CFDP1: variants seen among roughly 807,000 people sequenced by gnomAD.
The protein encoded by CFDP1 is heterochromatin-stabilizing protein CFDP1.
A neutral mutation model predicts 40.1 loss-of-function variants in CFDP1; 31 were observed. That is an observed-to-expected ratio of 0.77 (90% CI 0.58 to 1.04). The LOEUF is 1.04. Ranked by LOEUF, CFDP1 falls within the 50% of genes least tolerant of loss-of-function variation. The pLI, the probability that CFDP1 is intolerant of heterozygous loss-of-function variation, is 0.00. For missense variants in CFDP1, 423 were observed against 343.4 expected, an observed-to-expected ratio of 1.23 and a Z score of -1.83; for synonymous variants, 167 against 120.0, an observed-to-expected ratio of 1.39 and a Z score of -2.56.
At chr16:75,396,326 T>A (rs1230789863) in intron 4 of CFDP1, among the ~76,000 whole-genome samples, 4 of 103,512 alleles carry the variant, frequency 3.9e-5, no homozygotes, top group African/African-American at 1.2e-4. Context: ...GACCACGAAG[T>A]CATGAGTTTG....
At chr16:75,420,564 C>T (rs1045060421) in intron 1 of CFDP1, among the ~76,000 whole-genome samples, 3 of 152,128 alleles carry the variant, frequency 2.0e-5, no homozygotes, top group Non-Finnish European at 2.9e-5. Flanking sequence ...AAGGATGGAA[C>T]AACTGGATAA....
intron 4 of CFDP1, among the ~76,000 whole-genome samples, chr16:75,401,383 G>T (rs1045049643): frequency 7.1e-6 from 1 of 140,404 alleles, no homozygotes; most frequent in Non-Finnish European, 1.5e-5. Context: ...AGCCAAGATT[G>T]CACCACTGCA....
At chr16:75,325,436 G>A (rs1482952381) in intron 5 of CFDP1, among the ~76,000 whole-genome samples, 1 of 152,188 alleles carries the variant, frequency 6.6e-6, no homozygotes, top group Non-Finnish European at 1.5e-5. Flanking sequence ...GGCTTATGCT[G>A]ATCATCCTAT....
At chr16:75,395,466 C>A (rs2078988631) in intron 4 of CFDP1, among the ~76,000 whole-genome samples, 1 of 152,056 alleles carries the variant, frequency 6.6e-6, no homozygotes, top group Non-Finnish European at 1.5e-5. Flanking sequence ...CGAAACTATC[C>A]TGGCCAACAT....
In CFDP1 at chr16:75,395,947, T is replaced by C. The variant is rs981340297; in HGVS notation, c.531-738A>G. ...TAAAGAGAGAAGGAGAAATGTTTAA[T>C]CCCTGCCTAGGCTTTCCAGGTTAAC... On this transcript the variant is annotated intron_variant, in intron 4 of 6. Transcript: ENST00000283882. Among the ~76,000 whole-genome samples, 2 of 137,876 alleles carry C rather than the reference T, an allele frequency of 1.5e-5. 1 individual carries two copies. The highest frequency in any genetic ancestry group is 5.1e-5 in the African/African-American group (2 of 39,212). 90.5% of individuals were successfully genotyped at this position (137,876 alleles called of 152,430 possible).
At chr16:75,404,460 A>C (rs1399653073) in intron 4 of CFDP1, among the ~76,000 whole-genome samples, 1 of 151,890 alleles carries the variant, frequency 6.6e-6, no homozygotes, top group Admixed American at 6.6e-5. Flanking sequence ...TGACCCCATG[A>C]TCCGCCTGCC....
At chr16:75,330,589 C>T (rs116060123) in intron 5 of CFDP1, among the ~76,000 whole-genome samples, 1,884 of 152,108 alleles carry the variant, frequency 0.012, 32 homozygotes, top group African/African-American at 0.043. Context: ...AACTCCATCT[C>T]GAAACAAAAA....
At chr16:75,429,124 A>G (rs544657443) in intron 1 of CFDP1, among the ~76,000 whole-genome samples, 1 of 152,232 alleles carries the variant, frequency 6.6e-6, no homozygotes, top group African/African-American at 2.4e-5. Context: ...CTCGAAAAAA[A>G]AGAAAAAAGA....
At chr16:75,355,846 G>A (rs896214941) in intron 5 of CFDP1, among the ~76,000 whole-genome samples, 2 of 152,154 alleles carry the variant, frequency 1.3e-5, no homozygotes, top group Non-Finnish European at 2.9e-5. Context: ...CCAGCTATGC[G>A]GAACTGAGAG....
chr16:75,324,758 A>AAC (rs1214747835), intron 5 of CFDP1: 2 of 151,670 alleles, frequency 1.3e-5, no homozygotes, highest in Non-Finnish European at 2.9e-5. Flanking sequence ...AAAAAAAAAA[A>AAC]AAATTGCTGC....
At chr16:75,328,453 C>T (rs1278184884) in intron 5 of CFDP1, among the ~76,000 whole-genome samples, 3 of 148,792 alleles carry the variant, frequency 2.0e-5, no homozygotes, top group East Asian at 2.1e-4. Flanking sequence ...AAAAAAATAG[C>T]TGGGTGTGGT....
chr16:75,365,866 G>C (rs2078710107), intron 5 of CFDP1, among the ~76,000 whole-genome samples: 1 of 152,204 alleles, frequency 6.6e-6, no homozygotes, highest in East Asian at 1.9e-4. Flanking sequence ...CCATCTGCTA[G>C]ATCAAAAAGG....
At chr16:75,329,236 C>A (rs1312859626) in intron 5 of CFDP1, among the ~76,000 whole-genome samples, 1 of 152,116 alleles carries the variant, frequency 6.6e-6, no homozygotes, top group African/African-American at 2.4e-5. Flanking sequence ...TCTGCCTGCA[C>A]TGGCCTCTCA....
At chr16:75,420,467 G>A (rs189801519) in intron 1 of CFDP1, among the ~76,000 whole-genome samples, 24 of 152,332 alleles carry the variant, frequency 1.6e-4, no homozygotes, top group Admixed American at 2.6e-4. Context: ...TCCAAGAGGT[G>A]AGACATGCTG....
chr16:75,319,260 T>C (rs191799322), intron 5 of CFDP1, among the ~76,000 whole-genome samples: 6 of 152,206 alleles, frequency 3.9e-5, no homozygotes, highest in Non-Finnish European at 1.5e-5. Flanking sequence ...GCCAGGATGG[T>C]CTTGATCTCT....
At chr16:75,356,593 T>TA (rs2078645131) in intron 5 of CFDP1, among the ~76,000 whole-genome samples, 1 of 152,192 alleles carries the variant, frequency 6.6e-6, no homozygotes, top group African/African-American at 2.4e-5. Flanking sequence ...GACTTCAACT[T>TA]AAAGTCACCA....
chr16:75,375,534 G>A (rs2078785553), intron 5 of CFDP1, among the ~76,000 whole-genome samples: 1 of 152,060 alleles, frequency 6.6e-6, no homozygotes, highest in Non-Finnish European at 1.5e-5. Flanking sequence ...GCTCATGCCT[G>A]TAATCCCAGC....
intron 5 of CFDP1, among the ~76,000 whole-genome samples, chr16:75,359,771 T>C (rs1382810477): frequency 6.6e-6 from 1 of 152,210 alleles, no homozygotes; most frequent in Non-Finnish European, 1.5e-5. Flanking sequence ...TAACAGCCTC[T>C]GGCCCAACAG....
At chr16:75,417,551 T>C (rs564026278) in intron 1 of CFDP1, among the ~76,000 whole-genome samples, 10 of 152,304 alleles carry the variant, frequency 6.6e-5, no homozygotes, top group African/African-American at 2.2e-4. Flanking sequence ...TTTGTTTGTA[T>C]ATGGAAAAAG....
Sources: gnomAD v4.1 joint callset for allele counts (sites outside exome capture counted in the v4.1 genomes callset) on GRCh38, gnomAD v4.1.1 for gene constraint, MANE v1.5 for transcripts, NCBI Gene and HGNC (gene_info 2026-07-23, HGNC 2026-07-21) for gene names.